The following DLL4 variants were observed in gnomAD, a reference collection of about 807,000 sequenced individuals.
DLL4 encodes delta-like protein 4.
DLL4 carries 7 observed loss-of-function variants against 73.6 expected under a neutral mutation model. That is an observed-to-expected ratio of 0.10 (90% CI 0.05 to 0.18). The LOEUF (loss-of-function observed/expected upper bound fraction) is 0.18. Among genes scored for constraint, DLL4 ranks in the 10% least tolerant of loss-of-function variants. The pLI, the probability that DLL4 is intolerant of heterozygous loss-of-function variation, is 1.00. For missense variants in DLL4, 614 were observed against 929.9 expected (o/e 0.66, Z 4.42); for synonymous variants, 345 against 374.3 (o/e 0.92, Z 0.90).
In DLL4 at chr15:40,935,092, G is replaced by A. The variant is rs1892824697; in HGVS notation, c.1215G>A (p.Arg405=). 1 of 1,612,968 alleles carries A rather than the reference G, an allele frequency of 6.2e-7. No individual in the cohort carries two copies. The highest frequency in any genetic ancestry group is 1.7e-5 in the Admixed American group (1 of 60,024). The change falls in exon 8 of 11, where the codon AGG becomes AGA. Residue 405 remains arginine (R), a synonymous_variant. Coordinates refer to ENST00000249749, the MANE Select transcript of DLL4 (RefSeq NM_019074.4). ...CCAACTGCGAGAAGAAAGTGGACAG[G>A]TGCACCAGCAACCCCTGTGCCAACG... ...TGSNCEKKVD[R]CTSNPCANGG...
Position 40,938,145 on chromosome 15 carries a change from CAGG to C in DLL4, c.*121_*123del. On this transcript the variant is annotated 3_prime_UTR_variant, in exon 11 of 11. Transcript: ENST00000249749. ...TTTTTCATATGCAACGTGCTGCTCT[CAGG>C]AGGAGGAGGGAATGGCAGGAACCGG... The C allele has an allele frequency of 9.7e-6, 12 of 1,238,734 alleles. No homozygotes were observed. The highest frequency in any genetic ancestry group is 2.9e-5 in the East Asian group (1 of 34,542). The allele number at this position is 1,238,734 out of a possible 1,614,324, so 76.7% of individuals were successfully genotyped here. A position where few individuals can be genotyped will look rare whatever the true frequency, so the allele number is the denominator to read the frequency against.
chr15:40,936,866 A>G lies in DLL4; in HGVS notation c.1879A>G (p.Met627Val). Residue 627 changes from methionine (M) to valine (V), a missense_variant, in exon 9 of 11, where the codon ATG becomes GTG. Met to Val is a conservative substitution (Grantham distance 21, BLOSUM62 1). Transcript: ENST00000249749. ...CCCAGGGCCCCTGGGGCGGGGGACC[A>G]TGCCAGGAAAGTTTCCCCACAGTGA... ...LAPGPLGRGT[M>V]PGKFPHSDKS... The G allele has an allele frequency of 6.2e-7, 1 of 1,613,048 alleles. No homozygotes were observed. The highest frequency in any genetic ancestry group is 8.5e-7 in the Non-Finnish European group (1 of 1,179,826).
At position 40,930,812 on chromosome 15, in the gene DLL4, C is replaced by T. The variant is rs1892759105; in HGVS notation, c.394+130C>T. On this transcript the variant is annotated intron_variant, in intron 3 of 10. Coordinates refer to ENST00000249749, the MANE Select transcript of DLL4 (RefSeq NM_019074.4). The surrounding 1 kb of genome is among the most constrained non-coding windows in gnomAD (Gnocchi z 5.7). ...ACGCTTAGCTTGGCCTGGAGCTGCG[C>T]CCCGCGCTGGACGCTCGGATTCCGC... 3.2e-6 allele frequency: 3 copies of T among 928,768 alleles called. No homozygotes were observed. The African/African-American group carries it at 4.9e-5, about 15-fold the overall frequency. The allele number at this position is 928,768 out of a possible 1,614,324, so 57.5% of individuals were successfully genotyped here. A position where few individuals can be genotyped will look rare whatever the true frequency, so the allele number is the denominator to read the frequency against.
At position 40,936,678 on chromosome 15, in the gene DLL4, G is replaced by C. The variant is rs777293298; in HGVS notation, c.1691G>C (p.Ser564Thr). 1.2e-6 allele frequency: 2 copies of C among 1,613,144 alleles called. No homozygotes were observed. Among genetic ancestry groups the C allele is most frequent in the South Asian group, 2.2e-5 (2 of 91,090 alleles). ...CGGCTTCGACGGCCGGACGACGGCA[G>C]CAGGGAAGCCATGAACAACTTGTCG... is the stretch of plus-strand genomic sequence containing the variant. The part of the protein sequence containing the change: ...QLRLRRPDDG[S>T]REAMNNLSDF... The change falls in exon 9 of 11, where the codon AGC becomes ACC. Residue 564 changes from serine (S) to threonine (T), a missense_variant. This residue lies in a region of DLL4 where 386 missense variants were observed against 541.3 expected (regional missense o/e 0.71). Transcript: ENST00000249749.
rs749379842 is a variant in DLL4, at chr15:40,932,158, G to A, written c.659-13G>A. ...GTATCCCAGCCTCACCCAGCTCTGTGTTCTTCCCTTAGCTATCTGTCTTTC... is the reference window on the plus strand; with the variant it reads ...GTATCCCAGCCTCACCCAGCTCTGTATTCTTCCCTTAGCTATCTGTCTTTC... On this transcript the variant is annotated splice_polypyrimidine_tract_variant and intron_variant, in intron 4 of 10. Coordinates refer to ENST00000249749, the MANE Select transcript of DLL4 (RefSeq NM_019074.4). The A allele has an allele frequency of 2.0e-5, 33 of 1,613,922 alleles. No homozygotes were observed. Among genetic ancestry groups the A allele is most frequent in the Non-Finnish European group, 2.6e-5 (31 of 1,179,894 alleles).
intron 8 of DLL4, 41 bp downstream of exon 8, chr15:40,935,158 G>A (rs773532467): frequency 2.5e-6 from 4 of 1,573,174 alleles, no homozygotes; most frequent in South Asian, 1.1e-5. Context: ...ACTGGCCCTG[G>A]GGCTGAGAGA....
chr15:40,935,799 T>C (rs926146965), intron 8 of DLL4, among the ~76,000 whole-genome samples: 1 of 152,242 alleles, frequency 6.6e-6, no homozygotes, highest in Non-Finnish European at 1.5e-5. Context: ...ATTGTACTTA[T>C]CCGAGCATTA....
rs1892852986 is a variant in DLL4, at chr15:40,936,800, T to A, written c.1813T>A (p.Cys605Ser). 4 of 1,613,634 alleles carry A rather than the reference T, an allele frequency of 2.5e-6. No homozygotes were observed. The highest frequency in any genetic ancestry group is 3.4e-6 in the Non-Finnish European group (4 of 1,179,896). The change falls in exon 9 of 11, where the codon TGT (cysteine) becomes AGT (serine). Residue 605 changes from cysteine (C) to serine (S), a missense_variant. This residue lies in a region of DLL4 where 386 missense variants were observed against 541.3 expected (regional missense o/e 0.71). Coordinates refer to ENST00000249749, the MANE Select transcript of DLL4 (RefSeq NM_019074.4). ...GGACTGTGGCCTGGACAAGTCCAAC[T>A]GTGGCAAACAGCAAAACCACACATT... ...EVDCGLDKSNCGKQQNHTLDY... is the reference protein window; with the variant it reads ...EVDCGLDKSNSGKQQNHTLDY...
Position 40,937,424 on chromosome 15 carries a change from G to C in DLL4, c.1950G>C (p.Lys650Asn). The C allele has an allele frequency of 6.2e-7, 1 of 1,612,430 alleles. No individual in the cohort carries two copies. Among genetic ancestry groups the C allele is most frequent in the Non-Finnish European group, 8.5e-7 (1 of 1,178,508 alleles). Reference sequence around the variant, plus strand: ...CTGTCTTGTGTTCCCTCAGTGAAAAGCCAGAGTGTCGGATATCAGCGATAT... The same window carrying C: ...CTGTCTTGTGTTCCCTCAGTGAAAACCCAGAGTGTCGGATATCAGCGATAT... The part of the protein sequence containing the change: ...EKAPLRLHSE[K>N]PECRISAICS... The change falls in exon 10 of 11, where the codon AAG becomes AAC. Residue 650 changes from lysine to asparagine, a missense_variant. By Grantham distance (94) the Lys-to-Asn change is moderately conservative. Transcript: ENST00000249749.
Position 40,930,424 on chromosome 15 carries a change from C to G in DLL4, c.337-201C>G. 1.5e-6 allele frequency: 1 copy of G among 648,356 alleles called. No individual in the cohort carries two copies. The highest frequency in any genetic ancestry group is 2.6e-5 in the Admixed American group (1 of 38,024). The allele number at this position is 648,356 out of a possible 1,614,324, so 40.2% of individuals were successfully genotyped here. On this transcript the variant is annotated intron_variant, in intron 2 of 10. Transcript: ENST00000249749. The surrounding 1 kb of genome is among the most constrained non-coding windows in gnomAD (Gnocchi z 5.7). Reference sequence around the variant, plus strand: ...GTGGCTCTCCCTTACACTCTCCCGTCTCTCAACCCTCCCTCTACCGGGGGT... The same window carrying G: ...GTGGCTCTCCCTTACACTCTCCCGTGTCTCAACCCTCCCTCTACCGGGGGT...
At chr15:40,936,150 TC>T (rs1892840952) in intron 8 of DLL4, 77 bp from the exon 9 acceptor site, 1 of 1,329,896 alleles carries the variant, frequency 7.5e-7, no homozygotes, top group Non-Finnish European at 1.0e-6. Context: ...CCGAACGTGT[TC>T]CTGGAATGGG....
At chr15:40,937,934 GCCCCATCGCCT>G (rs1892868151) in intron 10 of DLL4, 84 bp from the exon 11 acceptor site, 2 of 1,492,190 alleles carry the variant, frequency 1.3e-6, no homozygotes, top group African/African-American at 2.8e-5. Flanking sequence ...GCCCCTGCCT[GCCCCATCGCCT>G]TCTCCCAGGG....
chr15:40,936,835 T>C lies in DLL4; in HGVS notation c.1848T>C (p.Asn616=). The C allele has an allele frequency of 1.2e-6, 2 of 1,613,418 alleles. No homozygotes were observed. Among genetic ancestry groups the C allele is most frequent in the Non-Finnish European group, 1.7e-6 (2 of 1,179,872 alleles). ...GKQQNHTLDY[N]LAPGPLGRGT... ...AGCAAAACCACACATTGGACTATAA[T>C]CTGGCCCCAGGGCCCCTGGGGCGGG... is the stretch of plus-strand genomic sequence containing the variant. Residue 616 remains asparagine (N), a synonymous_variant, in exon 9 of 11, where the codon AAT becomes AAC. Coordinates refer to ENST00000249749, the MANE Select transcript of DLL4 (RefSeq NM_019074.4).
In DLL4 at chr15:40,929,600, G is replaced by C. The variant is rs1044491606; in HGVS notation, c.-69G>C. 6.5e-6 allele frequency: 9 copies of C among 1,385,286 alleles called. No homozygotes were observed. Among genetic ancestry groups the C allele is most frequent in the African/African-American group, 4.4e-5 (3 of 67,772 alleles). The allele number at this position is 1,385,286 out of a possible 1,614,324, so 85.8% of individuals were successfully genotyped here. On this transcript the variant is annotated 5_prime_UTR_variant, in exon 1 of 11. Coordinates refer to ENST00000249749, the MANE Select transcript of DLL4 (RefSeq NM_019074.4). This position sits in a 1 kb window ranked among gnomAD's most constrained non-coding sequence, Gnocchi z 7.1. The stretch of plus-strand genomic sequence containing the variant: ...AGGGACCCCGCCGGCTGGCGGACGC[G>C]CGGGAAAGCGGCGTCGCGAACAGAG...
intron 8 of DLL4, among the ~76,000 whole-genome samples, chr15:40,935,753 T>G (rs1261866616): frequency 6.6e-6 from 1 of 152,220 alleles, no homozygotes; most frequent in Non-Finnish European, 1.5e-5. Context: ...TCCTCTGTCC[T>G]TCATGTGGTT....
In DLL4 at chr15:40,929,528, C is replaced by G; in HGVS notation, c.-141C>G. On this transcript the variant is annotated 5_prime_UTR_variant, in exon 1 of 11. Transcript: ENST00000249749. This position sits in a 1 kb window ranked among gnomAD's most constrained non-coding sequence, Gnocchi z 7.1. ...ACAGCGGCAGCTGCAGCGGAGCCAG[C>G]GAGAAGGCCAAAGGGGAGCAGCGTC... 1.3e-6 allele frequency: 1 copy of G among 785,518 alleles called. No homozygotes were observed. Among genetic ancestry groups the G allele is most frequent in the Non-Finnish European group, 1.9e-6 (1 of 516,384 alleles). The allele number at this position is 785,518 out of a possible 1,614,324, so 48.7% of individuals were successfully genotyped here. A position where few individuals can be genotyped will look rare whatever the true frequency, so the allele number is the denominator to read the frequency against.
rs202204117 is a variant in DLL4 at position 40,929,707 on chromosome 15, A to T, written c.39A>T (p.Leu13=). 2.8e-4 allele frequency: 450 copies of T among 1,591,532 alleles called. No individual in the cohort carries two copies. The highest frequency in any genetic ancestry group is 3.3e-4 in the Non-Finnish European group (387 of 1,175,306). The change falls in exon 1 of 11, where the codon CTA becomes CTT. Residue 13 remains leucine (L), a synonymous_variant. Transcript: ENST00000249749. This position sits in a 1 kb window ranked among gnomAD's most constrained non-coding sequence, Gnocchi z 7.1. The stretch of plus-strand genomic sequence containing the variant: ...CCCGGAGCGCCTCTGGCTGGGCGCT[A>T]CTGCTGCTGGTGGCACTTTGGCAGC... ...AASRSASGWA[L]LLLVALWQQR... is the part of the protein sequence containing the mutation.
chr15:40,932,871 A>C (rs1328818713), intron 6 of DLL4, among the ~76,000 whole-genome samples: 2 of 152,190 alleles, frequency 1.3e-5, no homozygotes, highest in Non-Finnish European at 2.9e-5. Context: ...GGGTGTGCCC[A>C]CCGGCCACCT....
At chr15:40,933,570 C>T (rs904848600) in intron 6 of DLL4, among the ~76,000 whole-genome samples, 5 of 152,144 alleles carry the variant, frequency 3.3e-5, no homozygotes, top group Non-Finnish European at 7.3e-5. Context: ...CTCATCTCTC[C>T]TCTACCATTT....
Sources: allele counts gnomAD v4.1 joint callset (sites outside exome capture counted in the v4.1 genomes callset), GRCh38; gene constraint gnomAD v4.1.1; regional missense constraint gnomAD v4.1.1; non-coding constraint Gnocchi (gnomAD v3.1); transcripts MANE v1.5; gene names NCBI Gene and HGNC (gene_info 2026-07-23, HGNC 2026-07-21).